RRP36: variants seen among roughly 807,000 people sequenced by gnomAD.
The protein encoded by RRP36 is ribosomal RNA processing 36, also known as ribosomal RNA processing protein 36 homolog.
Under a neutral mutation model 39.8 loss-of-function variants are expected in RRP36, and 44 were observed. That is an observed-to-expected ratio of 1.10 (90% confidence interval 0.87 to 1.42). The LOEUF (loss-of-function observed/expected upper bound fraction) is 1.42, where lower values mean the gene tolerates loss of function less well. RRP36 is among the 40% of genes most tolerant of loss of function. The probability of loss-of-function intolerance (pLI) is 0.00; values close to 1 mark genes in which losing one functional copy is unlikely to be tolerated. For missense variants in RRP36, 316 were observed against 322.4 expected, an observed-to-expected ratio of 0.98 and a Z score of 0.15; for synonymous variants, 124 against 123.1, an observed-to-expected ratio of 1.01 and a Z score of -0.05.
At chr6:43,025,239 A>G in intron 2 of RRP36, 24 bp from the exon 3 acceptor site, 2 of 1,613,974 alleles carry the variant, frequency 1.2e-6, no homozygotes, top group Non-Finnish European at 1.7e-6. Context: ...AGTCCTCTTG[A>G]CTTGGCTTTT....
intron 4 of RRP36, 24 bp downstream of exon 4, chr6:43,026,165 T>C (rs1449051940): frequency 1.9e-6 from 3 of 1,566,450 alleles, no homozygotes; most frequent in African/African-American, 1.4e-5. Context: ...GACTGGTTTA[T>C]GGGGAATTTT....
intron 1 of RRP36, among the ~76,000 whole-genome samples, chr6:43,024,117 G>C (rs962476476): frequency 1.9e-4 from 29 of 152,170 alleles, no homozygotes; most frequent in African/African-American, 7.0e-4. Context: ...GCCTCCCAAA[G>C]TGCTGGGATT....
rs769986587 is a variant in RRP36, at chr6:43,029,332, C to T, written c.*104C>T. The T allele has an allele frequency of 3.7e-6, 5 of 1,345,654 alleles. No homozygotes were observed. The East Asian group carries it at 1.2e-4, about 31-fold the overall frequency. 83.4% of individuals were successfully genotyped at this position (1,345,654 alleles called of 1,614,324 possible). ...CGTTCAAGGGCAAGGATCACAGCTG[C>T]CCTTGAATCTCATTGCCTCAGAGAA... On this transcript the variant is annotated 3_prime_UTR_variant, in exon 7 of 7. Coordinates refer to ENST00000244496, the MANE Select transcript of RRP36 (RefSeq NM_033112.4).
chr6:43,027,960 C>CA (rs1762848355), intron 6 of RRP36, among the ~76,000 whole-genome samples: 1 of 152,164 alleles, frequency 6.6e-6, no homozygotes. Context: ...CACACACACA[C>CA]ATGCACACAC....
At chr6:43,022,587 GTTTATTTA>G (rs199910113) in intron 1 of RRP36, among the ~76,000 whole-genome samples, 39 of 77,282 alleles carry the variant, frequency 5.0e-4, no homozygotes, top group Non-Finnish European at 2.6e-4. Flanking sequence ...GGATGGGTTT[GTTTATTTA>G]TTTATTTATT....
chr6:43,027,170 A>T lies in RRP36; in HGVS notation c.451-8A>T. On this transcript the variant is annotated splice_polypyrimidine_tract_variant and splice_region_variant and intron_variant, in intron 4 of 6. Coordinates refer to ENST00000244496, the MANE Select transcript of RRP36 (RefSeq NM_033112.4). The stretch of plus-strand genomic sequence containing the variant: ...TGCTAACCATGATACTCATTTTCCA[A>T]TGTGGAGCTTGTGAAAAAACAGTTG... 6.2e-7 allele frequency: 1 copy of T among 1,613,614 alleles called. No individual in the cohort carries two copies. Among genetic ancestry groups the T allele is most frequent in the East Asian group, 2.2e-5 (1 of 44,882 alleles).
At chr6:43,028,912 C>A (rs1477113502) in intron 6 of RRP36, among the ~76,000 whole-genome samples, 180 bp from the exon 7 acceptor site, 4 of 152,138 alleles carry the variant, frequency 2.6e-5, no homozygotes, top group Non-Finnish European at 5.9e-5. Flanking sequence ...GAGATCGCGT[C>A]ACTGCACTCC....
rs780824493 is a variant in RRP36 at position 43,025,338 on chromosome 6, G to C, written c.345+9G>C. On this transcript the variant is annotated intron_variant, in intron 3 of 6. Coordinates refer to ENST00000244496, the MANE Select transcript of RRP36 (RefSeq NM_033112.4). ...TTCCCATTAGTAAAAAGGTAAGGAA[G>C]AAGGCCAGGCACTGTGGCTCACGCC... The C allele has an allele frequency of 8.7e-6, 14 of 1,612,448 alleles. No homozygotes were observed. Among genetic ancestry groups the C allele is most frequent in the Non-Finnish European group, 1.2e-5 (14 of 1,179,890 alleles).
intron 3 of RRP36, among the ~76,000 whole-genome samples, chr6:43,025,777 A>C (rs1196095597): frequency 6.6e-6 from 1 of 151,386 alleles, no homozygotes; most frequent in Non-Finnish European, 1.5e-5. Flanking sequence ...TAAAAATACA[A>C]AAAAAAATAG....
chr6:43,029,202 A>G lies in RRP36; in HGVS notation c.754A>G (p.Arg252Gly), dbSNP rs148480237. 7,988 of 1,614,222 alleles carry G rather than the reference A, an allele frequency of 4.9e-3. 34 individuals carry two copies. The highest frequency in any genetic ancestry group is 4.8e-3 in the Non-Finnish European group (5,613 of 1,180,018). ...KRRRNAGKDR[R>G]HLPLSKE The stretch of plus-strand genomic sequence containing the variant: ...GCGACGAAATGCAGGCAAGGACAGG[A>G]GACATCTCCCTTTGAGCAAAGAGTA... The change falls in exon 7 of 7, where the codon AGA becomes GGA. Residue 252 changes from arginine to glycine, a missense_variant. Coordinates refer to ENST00000244496, the MANE Select transcript of RRP36 (RefSeq NM_033112.4).
chr6:43,027,971 G>A (rs1332845124), intron 6 of RRP36, among the ~76,000 whole-genome samples: 3 of 152,110 alleles, frequency 2.0e-5, no homozygotes, highest in African/African-American at 4.8e-5. Context: ...ATGCACACAC[G>A]CTGGGCCAGG....
At chr6:43,027,339 C>G in intron 5 of RRP36, 21 bp from the exon 6 acceptor site, 2 of 1,613,294 alleles carry the variant, frequency 1.2e-6, no homozygotes, top group Non-Finnish European at 1.7e-6. Context: ...CCCGTTCACC[C>G]ATCTCATCTT....
intron 1 of RRP36, 135 bp downstream of exon 1, chr6:43,021,919 C>A: frequency 1.7e-6 from 1 of 588,488 alleles, no homozygotes; most frequent in African/African-American, 2.6e-5. Context: ...GCCCCCAGTG[C>A]AGTGGAAAGT....
chr6:43,021,916 G>C (rs2150294429), intron 1 of RRP36, 132 bp downstream of exon 1: 1 of 620,956 alleles, frequency 1.6e-6, no homozygotes, highest in East Asian at 3.8e-5. Context: ...GGTGCCCCCA[G>C]TGCAGTGGAA....
rs201033484 is a variant in RRP36, at chr6:43,027,235, C to G, written c.508C>G (p.Gln170Glu). 1,466 of 1,614,060 alleles carry G rather than the reference C, an allele frequency of 9.1e-4. 2 individuals are homozygous for G. Among genetic ancestry groups the G allele is most frequent in the Non-Finnish European group, 1.1e-3 (1,348 of 1,179,996 alleles). The change falls in exon 5 of 7, where the codon CAA becomes GAA. Residue 170 changes from glutamine (Q) to glutamate (E), a missense_variant. Transcript: ENST00000244496. ...AGGAGAGGAGCATGAGAAACTGCAG[C>G]AACTGCTTCAGCGAATGGTGAGTGG... ...LSGEEHEKLQ[Q>E]LLQRMEQQEM...
chr6:43,022,506 C>G (rs1453619751), intron 1 of RRP36, among the ~76,000 whole-genome samples: 3 of 152,072 alleles, frequency 2.0e-5, no homozygotes, highest in African/African-American at 4.8e-5. Flanking sequence ...CTCGAACTCC[C>G]GGGCCCAAGA....
intron 6 of RRP36, among the ~76,000 whole-genome samples, chr6:43,027,869 ATAC>A (rs772913509): frequency 3.8e-4 from 57 of 149,828 alleles, no homozygotes; most frequent in Non-Finnish European, 7.2e-4. Flanking sequence ...CTCTTGGTCT[ATAC>A]TACACACACA....
At chr6:43,025,189 T>G in intron 2 of RRP36, 57 bp downstream of exon 2, 1 of 1,612,708 alleles carries the variant, frequency 6.2e-7, no homozygotes, top group Non-Finnish European at 8.5e-7. Flanking sequence ...ATAGGTATGT[T>G]GTCTTGGGTG....
At position 43,027,455 on chromosome 6, in the gene RRP36, T is replaced by A; in HGVS notation, c.621T>A (p.His207Gln). Residue 207 changes from histidine (H) to glutamine (Q), a missense_variant, in exon 6 of 7, where the codon CAT becomes CAA. His to Gln is a conservative substitution (Grantham distance 24). Transcript: ENST00000244496. ...GTCGGGCTCAGGCCCAGCAGGGCCA[T>A]CGGCCATACTTCCTGAAAAAATGTG... is the stretch of plus-strand genomic sequence containing the variant. ...QERRAQAQQG[H>Q]RPYFLKKSEQ... The A allele has an allele frequency of 6.2e-7, 1 of 1,613,914 alleles. No individual in the cohort carries two copies. Among genetic ancestry groups the A allele is most frequent in the Non-Finnish European group, 8.5e-7 (1 of 1,179,918 alleles).
Sources: allele counts gnomAD v4.1 joint callset (sites outside exome capture counted in the v4.1 genomes callset), GRCh38; gene constraint gnomAD v4.1.1; transcripts MANE v1.5; gene names NCBI Gene and HGNC (gene_info 2026-07-23, HGNC 2026-07-21).